EEF2K: variants seen among roughly 807,000 people sequenced by gnomAD.
EEF2K encodes the protein eukaryotic elongation factor 2 kinase.
EEF2K carries 70 observed loss-of-function variants against 93.8 expected under a neutral mutation model. That is an observed-to-expected ratio of 0.75 (90% CI 0.62 to 0.91). The LOEUF (loss-of-function observed/expected upper bound fraction) is 0.91. Ranked by LOEUF, EEF2K falls within the 40% of genes least tolerant of loss-of-function variation. The probability of loss-of-function intolerance (pLI) is 0.00; values close to 1 mark genes in which losing one functional copy is unlikely to be tolerated. For synonymous variants in EEF2K, 376 were observed against 380.8 expected (o/e 0.99, Z 0.15); for missense variants, 935 against 972.9 (o/e 0.96, Z 0.52).
At chr16:22,247,165 G>A (rs2047303673) in intron 3 of EEF2K, among the ~76,000 whole-genome samples, 2 of 151,442 alleles carry the variant, frequency 1.3e-5, no homozygotes, top group South Asian at 4.2e-4. Flanking sequence ...TCTAGGCCAG[G>A]CGCAGTGGCT....
Position 22,266,668 on chromosome 16 carries a change from C to A in EEF2K, c.1576-20C>A. 6.3e-7 allele frequency: 1 copy of A among 1,596,186 alleles called. No individual in the cohort carries two copies. The highest frequency in any genetic ancestry group is 8.5e-7 in the Non-Finnish European group (1 of 1,169,734). On this transcript the variant is annotated intron_variant, in intron 14 of 17. Transcript: ENST00000263026. The stretch of plus-strand genomic sequence containing the variant: ...TTGGCCCGCCAGACAGCCAGGCCGA[C>A]ACCGTAGTCTGTGTGGCAGGTCCAT...
chr16:22,246,060 C>T (rs1255263545), intron 3 of EEF2K, among the ~76,000 whole-genome samples: 1 of 152,194 alleles, frequency 6.6e-6, no homozygotes, highest in Non-Finnish European at 1.5e-5. Context: ...CCCCGACTTT[C>T]ACTGCTGATC....
rs1598200261 is a variant in EEF2K, at chr16:22,266,472, G to A, written c.1523G>A (p.Arg508Lys). ...RASAVALEVQ[R>K]LNALDLEKKI... ...TCGGCCGTGGCCCTGGAAGTGCAAA[G>A]GCTTAATGCTCTGGACCTCGAAAAG... Residue 508 changes from arginine (R) to lysine (K), a missense_variant, in exon 14 of 18, where the codon AGG (arginine) becomes AAG (lysine). Physicochemically the swap from Arg to Lys is conservative, Grantham distance 26 (BLOSUM62 2). Transcript: ENST00000263026. 6.2e-7 allele frequency: 1 copy of A among 1,614,204 alleles called. No homozygotes were observed. Among genetic ancestry groups the A allele is most frequent in the South Asian group, 1.1e-5 (1 of 91,086 alleles).
chr16:22,227,163 C>T (rs1296384351), intron 2 of EEF2K, among the ~76,000 whole-genome samples: 2 of 152,186 alleles, frequency 1.3e-5, no homozygotes, highest in African/African-American at 4.8e-5. Context: ...TGCACCACTG[C>T]ACTCCAGCCT....
At chr16:22,257,070 A>C (rs1051754486) in intron 7 of EEF2K, among the ~76,000 whole-genome samples, 173 bp downstream of exon 7, 1 of 152,110 alleles carries the variant, frequency 6.6e-6, no homozygotes, top group African/African-American at 2.4e-5. Context: ...TCTGTCACCT[A>C]AGGTGGCCAC....
chr16:22,260,350 TAAAA>T (rs35233038), intron 10 of EEF2K, 108 bp from the exon 11 acceptor site: 5 of 867,578 alleles, frequency 5.8e-6, no homozygotes, highest in South Asian at 1.8e-5. Context: ...CTTTAAAGCT[TAAAA>T]AAAAAAAAAG....
In EEF2K at chr16:22,260,487, T is replaced by C. The variant is rs1271284040; in HGVS notation, c.1257T>C (p.Asp419=). 1 of 1,614,150 alleles carries C rather than the reference T, an allele frequency of 6.2e-7. No homozygotes were observed. ...ATTGGCCAGTGTTCAGTGACCTCGA[T>C]AACATGGCATCCAGAGACCATGATC... ...HLHWPVFSDL[D]NMASRDHDHL... Residue 419 remains aspartate (D), a synonymous_variant, in exon 11 of 18, where the codon GAT becomes GAC. Transcript: ENST00000263026.
intron 11 of EEF2K, 127 bp downstream of exon 11, chr16:22,260,656 G>A (rs1055596880): frequency 2.9e-5 from 33 of 1,121,484 alleles, no homozygotes; most frequent in Non-Finnish European, 4.1e-5. Flanking sequence ...GGAGGGCACA[G>A]AATGGGGGAA....
At chr16:22,266,356 C>G (rs2047517869) in intron 13 of EEF2K, 34 bp from the exon 14 acceptor site, 4 of 1,595,696 alleles carry the variant, frequency 2.5e-6, no homozygotes, top group Non-Finnish European at 3.4e-6. Context: ...CCACCCCCAG[C>G]CCCTCGCTTC....
At chr16:22,240,052 G>A (rs1162587779) in intron 2 of EEF2K, among the ~76,000 whole-genome samples, 1 of 146,340 alleles carries the variant, frequency 6.8e-6, no homozygotes, top group Non-Finnish European at 1.5e-5. Context: ...GCAGTGAGCC[G>A]AGATCATGCC....
At chr16:22,213,864 G>A (rs1378918899) in intron 1 of EEF2K, among the ~76,000 whole-genome samples, 2 of 152,118 alleles carry the variant, frequency 1.3e-5, no homozygotes, top group East Asian at 3.8e-4. Context: ...GGATCCTTGT[G>A]ATTACACTGG....
intron 16 of EEF2K, 113 bp from the exon 17 acceptor site, chr16:22,280,085 A>G: frequency 3.7e-6 from 4 of 1,093,846 alleles, no homozygotes; most frequent in Non-Finnish European, 3.7e-6. Context: ...GTCGTGAACC[A>G]TAGGTGGTGG....
In EEF2K at chr16:22,259,959, G is replaced by C. The variant is rs568320572; in HGVS notation, c.1232-503G>C. On this transcript the variant is annotated intron_variant, in intron 10 of 17. Coordinates refer to ENST00000263026, the MANE Select transcript of EEF2K (RefSeq NM_013302.5). Reference sequence around the variant, plus strand: ...ATAGAGATGGGGTTTCACTATGTTGGCCAGATTGGTCTTGAACTCCTGACC... The same window carrying C: ...ATAGAGATGGGGTTTCACTATGTTGCCCAGATTGGTCTTGAACTCCTGACC... 5.9e-5 allele frequency among the ~76,000 whole-genome samples: 9 copies of C among 152,198 alleles called. No individual in the cohort carries two copies. In the South Asian group the frequency reaches 1.9e-3, roughly 32 times the overall value.
chr16:22,229,218 T>C (rs1220768754), intron 2 of EEF2K, among the ~76,000 whole-genome samples: 1 of 152,140 alleles, frequency 6.6e-6, no homozygotes, highest in Non-Finnish European at 1.5e-5. Flanking sequence ...TCCAATTTTG[T>C]GTTGAATATT....
rs574275152 is a variant in EEF2K, at chr16:22,272,437, A to C, written c.1765-1189A>C. ...AGTGAAAAGAGTCGCAAAGGACCAC[A>C]TATTGTATGACTATATTATTATGAA... On this transcript the variant is annotated intron_variant, in intron 15 of 17. Coordinates refer to ENST00000263026, the MANE Select transcript of EEF2K (RefSeq NM_013302.5). Among the ~76,000 whole-genome samples, 14 of 152,334 alleles carry C rather than the reference A, an allele frequency of 9.2e-5. No homozygotes were observed. In the South Asian group the frequency reaches 2.9e-3, roughly 32 times the overall value.
chr16:22,245,288 T>C (rs2047276393), intron 3 of EEF2K, among the ~76,000 whole-genome samples: 3 of 151,986 alleles, frequency 2.0e-5, no homozygotes, highest in African/African-American at 7.2e-5. Context: ...TAAAATAAAA[T>C]TGTTGCAAAT....
At chr16:22,276,376 A>C (rs1190349408) in intron 16 of EEF2K, among the ~76,000 whole-genome samples, 1 of 152,166 alleles carries the variant, frequency 6.6e-6, no homozygotes, top group African/African-American at 2.4e-5. Context: ...TTATTTAGTT[A>C]AAATCTATCA....
intron 3 of EEF2K, among the ~76,000 whole-genome samples, chr16:22,245,747 A>G (rs2047282529): frequency 6.6e-6 from 1 of 152,136 alleles, no homozygotes; most frequent in Non-Finnish European, 1.5e-5. Context: ...ACCCTCTCCA[A>G]GCTCTCTCTG....
rs1200874541 is a variant in EEF2K at position 22,267,035 on chromosome 16, C to T, written c.1764+159C>T. 3.3e-5 allele frequency among the ~76,000 whole-genome samples: 5 copies of T among 152,158 alleles called. No individual in the cohort carries two copies. In the East Asian group the frequency reaches 7.7e-4, roughly 23 times the overall value. On this transcript the variant is annotated intron_variant, in intron 15 of 17. Transcript: ENST00000263026. ...CCCAGGCACTGGTTTGGGGGCAGGC[C>T]CCTCCAAGTTAGTTGAAACTGGCAG...
Sources: allele counts gnomAD v4.1 joint callset (sites outside exome capture counted in the v4.1 genomes callset), GRCh38; gene constraint gnomAD v4.1.1; transcripts MANE v1.5; gene names NCBI Gene and HGNC (gene_info 2026-07-23, HGNC 2026-07-21).